Variants in SLC44A5 observed in about 807,000 individuals in gnomAD.
SLC44A5 encodes choline transporter-like protein 5.
Under a neutral mutation model 101.8 loss-of-function variants are expected in SLC44A5, and 57 were observed. The observed-to-expected ratio is 0.56, with a 90% confidence interval of 0.45 to 0.70. The LOEUF (loss-of-function observed/expected upper bound fraction) is 0.70. SLC44A5 is among the 30% of genes least tolerant of loss of function. The probability of loss-of-function intolerance (pLI) is 0.00; values close to 1 mark genes in which losing one functional copy is unlikely to be tolerated. For synonymous variants in SLC44A5, 281 were observed against 290.9 expected (o/e 0.97, Z 0.35); for missense variants, 737 against 853.1 (o/e 0.86, Z 1.70).
intron 2 of SLC44A5, among the ~76,000 whole-genome samples, chr1:75,477,829 CA>C (rs1667530663): frequency 6.6e-6 from 1 of 152,074 alleles, no homozygotes; most frequent in African/African-American, 2.4e-5. Flanking sequence ...AAACACTCTG[CA>C]GGATATTATC....
intron 1 of SLC44A5, among the ~76,000 whole-genome samples, chr1:75,585,148 G>T (rs1340265007): frequency 2.0e-5 from 3 of 152,132 alleles, no homozygotes; most frequent in African/African-American, 4.8e-5. Context: ...TTGTAAAACA[G>T]CAATGATTTA....
At chr1:75,397,658 G>C (rs970653245) in intron 2 of SLC44A5, among the ~76,000 whole-genome samples, 2 of 151,894 alleles carry the variant, frequency 1.3e-5, no homozygotes, top group African/African-American at 4.8e-5. Flanking sequence ...TACAATAATC[G>C]GTTCACTTCT....
chr1:75,292,976 TTTC>T (rs1653681189), intron 5 of SLC44A5, among the ~76,000 whole-genome samples: 1 of 152,230 alleles, frequency 6.6e-6, no homozygotes. Flanking sequence ...AATCATCTTT[TTTC>T]TTCATTATCT....
chr1:75,529,729 G>A (rs997787647), intron 2 of SLC44A5, among the ~76,000 whole-genome samples: 4 of 152,060 alleles, frequency 2.6e-5, no homozygotes, highest in Admixed American at 2.6e-4. Context: ...ATAGTATCCT[G>A]GGAACTTTAG....
chr1:75,638,174 C>T, the SLC44A5 span, among the ~76,000 whole-genome samples: 1 of 151,920 alleles, frequency 6.6e-6, no homozygotes, highest in Non-Finnish European at 1.5e-5. Flanking sequence ...AATAATATGA[C>T]ATCATTTATT....
the SLC44A5 span, among the ~76,000 whole-genome samples, chr1:75,680,086 A>G: frequency 1.4e-3 from 212 of 152,344 alleles, no homozygotes; most frequent in African/African-American, 4.9e-3. Flanking sequence ...CATGCACCCA[A>G]TACAGGAGCA....
rs1036544682 is a variant in SLC44A5 at position 75,220,999 on chromosome 1, C to T, written c.1086-1107G>A. On this transcript the variant is annotated intron_variant, in intron 14 of 23. Transcript: ENST00000370859. ...TGGCCCTTTAACACAAACACATATGCTCACACAAATGCACATTTAGAAGTG... is the reference window on the plus strand; with the variant it reads ...TGGCCCTTTAACACAAACACATATGTTCACACAAATGCACATTTAGAAGTG... Among the ~76,000 whole-genome samples the T allele has an allele frequency of 2.4e-4, 37 of 152,238 alleles. 1 individual carries two copies. Among genetic ancestry groups the T allele is most frequent in the Admixed American group, 2.2e-3 (33 of 15,292 alleles).
At chr1:75,636,639 T>G in the SLC44A5 span, among the ~76,000 whole-genome samples, 1 of 152,230 alleles carries the variant, frequency 6.6e-6, no homozygotes, top group South Asian at 2.1e-4. Flanking sequence ...AGTTCTTGTT[T>G]TTATTATTAG....
At chr1:75,340,375 G>A (rs142298625) in intron 3 of SLC44A5, among the ~76,000 whole-genome samples, 1 of 152,064 alleles carries the variant, frequency 6.6e-6, no homozygotes, top group African/African-American at 2.4e-5. Context: ...TGCAATCCCC[G>A]ACTTCTTGAC....
intron 5 of SLC44A5, among the ~76,000 whole-genome samples, chr1:75,281,157 A>C (rs1001881844): frequency 4.6e-5 from 7 of 152,160 alleles, no homozygotes; most frequent in African/African-American, 1.7e-4. Flanking sequence ...AGACTTGTTG[A>C]ATAGCTTTGA....
chr1:75,476,424 TGCACGAGCCGAA>T lies in SLC44A5; in HGVS notation c.13+64999_13+65010del, dbSNP rs565899415. ...GCAGGACAGTGGGTGCAGCGCACCG[TGCACGAGCCGAA>T]GCAGGGCGAGGCATTGCCTCACTCG... On this transcript the variant is annotated intron_variant, in intron 2 of 23. Transcript: ENST00000370859. 5.1e-3 allele frequency among the ~76,000 whole-genome samples: 777 copies of T among 152,272 alleles called. 8 individuals are homozygous for T. The highest frequency in any genetic ancestry group is 0.018 in the African/African-American group (745 of 41,568).
intron 13 of SLC44A5, among the ~76,000 whole-genome samples, chr1:75,226,436 A>G (rs1477508491): frequency 1.3e-5 from 2 of 152,144 alleles, no homozygotes; most frequent in Admixed American, 6.5e-5. Context: ...CCAGGAAGGT[A>G]GTGTCCTATA....
At chr1:75,302,104 GTTTTTTTGTTTT>G (rs1023979362) in intron 4 of SLC44A5, among the ~76,000 whole-genome samples, 5 of 49,612 alleles carry the variant, frequency 1.0e-4, no homozygotes, top group Admixed American at 5.8e-4. Context: ...AGGTGCTCTA[GTTTTTTTGTTTT>G]TTTTTTTTTT....
intron 2 of SLC44A5, among the ~76,000 whole-genome samples, chr1:75,452,993 TAACA>T (rs1665989852): frequency 6.6e-6 from 1 of 151,984 alleles, no homozygotes; most frequent in Non-Finnish European, 1.5e-5. Flanking sequence ...GGCAGAAAAC[TAACA>T]AAGAAATTCT....
intron 4 of SLC44A5, among the ~76,000 whole-genome samples, chr1:75,321,315 T>A (rs1456175310): frequency 6.6e-6 from 1 of 152,180 alleles, no homozygotes; most frequent in Non-Finnish European, 1.5e-5. Flanking sequence ...CTGAATGGCT[T>A]AAACAACAGA....
chr1:75,299,821 C>T (rs553264553), intron 5 of SLC44A5, among the ~76,000 whole-genome samples: 15 of 148,722 alleles, frequency 1.0e-4, no homozygotes, highest in Middle Eastern at 3.5e-3. Context: ...CCATCCTGGC[C>T]AACATGGTGA....
intron 2 of SLC44A5, among the ~76,000 whole-genome samples, chr1:75,414,551 G>A (rs1215351780): frequency 6.6e-6 from 1 of 152,094 alleles, no homozygotes; most frequent in Non-Finnish European, 1.5e-5. Flanking sequence ...TATTTATACA[G>A]TAAATTGTTG....
At chr1:75,586,296 C>T (rs1591121) in intron 1 of SLC44A5, among the ~76,000 whole-genome samples, 45,293 of 151,632 alleles carry the variant, frequency 0.3, 7,802 homozygotes, top group East Asian at 0.77. Flanking sequence ...AATTTGCAGA[C>T]AGTAGATAGG....
intron 1 of SLC44A5, among the ~76,000 whole-genome samples, chr1:75,568,140 A>C (rs915979861): frequency 2.0e-5 from 3 of 152,202 alleles, no homozygotes; most frequent in African/African-American, 7.2e-5. Context: ...AATCAGCAAA[A>C]CAACTGTTGT....
Sources: gnomAD v4.1 joint callset for allele counts (sites outside exome capture counted in the v4.1 genomes callset) on GRCh38, gnomAD v4.1.1 for gene constraint, MANE v1.5 for transcripts, NCBI Gene and HGNC (gene_info 2026-07-23, HGNC 2026-07-21) for gene names.